RBFOX1: variants seen among roughly 807,000 people sequenced by gnomAD.
The protein encoded by RBFOX1 is RNA binding protein fox-1 homolog 1.
Under a neutral mutation model 57.7 loss-of-function variants are expected in RBFOX1, and 8 were observed. That is an observed-to-expected ratio of 0.14 (90% CI 0.08 to 0.25). The LOEUF (loss-of-function observed/expected upper bound fraction) is 0.25. Among genes scored for constraint, RBFOX1 ranks in the 10% least tolerant of loss-of-function variants. The pLI is 1.00. For missense variants in RBFOX1, 611 were observed against 548.5 expected, an observed-to-expected ratio of 1.11 and a Z score of -1.14; for synonymous variants, 326 against 222.4, an observed-to-expected ratio of 1.47 and a Z score of -4.15.
At chr16:5,857,835 A>T (rs1320264989) in intron 3 of RBFOX1, among the ~76,000 whole-genome samples, 3 of 151,932 alleles carry the variant, frequency 2.0e-5, no homozygotes, top group Non-Finnish European at 4.4e-5. Flanking sequence ...AGTCCCAGTT[A>T]ACTGGGGAGG....
chr16:7,696,205 G>T (rs1174969667), intron 14 of RBFOX1, among the ~76,000 whole-genome samples: 1 of 152,148 alleles, frequency 6.6e-6, no homozygotes. Flanking sequence ...AATGCTATTA[G>T]TTGTGTTGTT....
At chr16:6,225,107 A>G (rs929863859) in intron 1 of RBFOX1, among the ~76,000 whole-genome samples, 11 of 151,622 alleles carry the variant, frequency 7.3e-5, no homozygotes, top group African/African-American at 2.7e-4. Context: ...CCTTCTGGGA[A>G]GTGATGGACT....
At chr16:6,109,289 A>G (rs781428149) in intron 1 of RBFOX1, among the ~76,000 whole-genome samples, 1 of 152,152 alleles carries the variant, frequency 6.6e-6, no homozygotes, top group Non-Finnish European at 1.5e-5. Flanking sequence ...ATCAATATGT[A>G]ATATTTATAT....
intron 4 of RBFOX1, among the ~76,000 whole-genome samples, chr16:7,186,877 G>T (rs561127055): frequency 2.0e-5 from 3 of 150,876 alleles, no homozygotes; most frequent in Admixed American, 1.3e-4. Flanking sequence ...AGCTCTCTAG[G>T]CCAGGCACAG....
chr16:6,862,811 C>G (rs1041994725), intron 3 of RBFOX1, among the ~76,000 whole-genome samples: 3 of 152,014 alleles, frequency 2.0e-5, no homozygotes, highest in African/African-American at 4.8e-5. Flanking sequence ...ATGGTGAAAC[C>G]TCGTCTCTAC....
chr16:6,316,856 A>G (rs1257430217), intron 1 of RBFOX1, 139 bp from the exon 2 acceptor site: 1 of 596,736 alleles, frequency 1.7e-6, no homozygotes, highest in Non-Finnish European at 2.9e-6. Context: ...CATCATCATC[A>G]CCATCATTGC....
intron 4 of RBFOX1, among the ~76,000 whole-genome samples, chr16:7,242,357 A>C (rs887422860): frequency 2.0e-5 from 3 of 152,210 alleles, no homozygotes; most frequent in Non-Finnish European, 4.4e-5. Flanking sequence ...CTTCTGATGC[A>C]GACAGGTTGT....
chr16:6,191,228 C>T (rs1031127705), intron 1 of RBFOX1, among the ~76,000 whole-genome samples: 8 of 150,818 alleles, frequency 5.3e-5, no homozygotes, highest in African/African-American at 1.5e-4. Flanking sequence ...TATTTTCAAG[C>T]GGTGTTTTAC....
At chr16:7,541,708 G>C (rs1005820323) in intron 5 of RBFOX1, among the ~76,000 whole-genome samples, 3 of 152,198 alleles carry the variant, frequency 2.0e-5, no homozygotes, top group Non-Finnish European at 2.9e-5. Flanking sequence ...GTGAATGCAG[G>C]CTTTCTCCAT....
intron 4 of RBFOX1, among the ~76,000 whole-genome samples, chr16:7,176,903 T>C (rs2081779515): frequency 2.0e-5 from 3 of 152,192 alleles, no homozygotes; most frequent in Admixed American, 2.0e-4. Flanking sequence ...TTTTTAGATA[T>C]TTCCCATTTA....
At chr16:6,551,674 C>G (rs532642261) in intron 2 of RBFOX1, among the ~76,000 whole-genome samples, 1 of 152,244 alleles carries the variant, frequency 6.6e-6, no homozygotes, top group Non-Finnish European at 1.5e-5. Context: ...GCTAATATAG[C>G]TACAGATAAG....
At chr16:6,640,026 A>G (rs561060900) in intron 2 of RBFOX1, among the ~76,000 whole-genome samples, 2 of 152,280 alleles carry the variant, frequency 1.3e-5, no homozygotes, top group Non-Finnish European at 2.9e-5. Context: ...TTTTAACCCC[A>G]TTTTCTGAAA....
intron 4 of RBFOX1, among the ~76,000 whole-genome samples, chr16:5,955,875 G>T (rs973321216): frequency 2.0e-5 from 3 of 152,220 alleles, no homozygotes; most frequent in African/African-American, 7.2e-5. Flanking sequence ...GATTCAGGAA[G>T]ATAACGGGTC....
rs1027934469 is a variant in RBFOX1, at chr16:7,710,856, A to G, written c.*111A>G. 2 of 1,046,238 alleles carry G rather than the reference A, an allele frequency of 1.9e-6. No homozygotes were observed. Among genetic ancestry groups the G allele is most frequent in the African/African-American group, 3.5e-5 (2 of 57,500 alleles). The allele number at this position is 1,046,238 out of a possible 1,614,324, so 64.8% of individuals were successfully genotyped here. ...ATTTTAGCAACTCTAAAAAAAAAAA[A>G]AATACAAATAAAAAGGAAAAAAAAT... On this transcript the variant is annotated 3_prime_UTR_variant, in exon 16 of 16. Coordinates refer to ENST00000550418, the MANE Select transcript of RBFOX1 (RefSeq NM_018723.4).
chr16:6,373,306 G>T (rs1463632944), intron 2 of RBFOX1, among the ~76,000 whole-genome samples: 1 of 151,372 alleles, frequency 6.6e-6, no homozygotes, highest in Admixed American at 6.6e-5. Context: ...GGTTGGTAAG[G>T]ATCTTTGTGT....
intron 4 of RBFOX1, among the ~76,000 whole-genome samples, chr16:7,285,735 A>G (rs1409620164): frequency 1.3e-5 from 2 of 152,200 alleles, no homozygotes; most frequent in African/African-American, 4.8e-5. Flanking sequence ...ATTGCTGTGT[A>G]GTATTCCATG....
At chr16:6,497,894 G>T (rs187192894) in intron 2 of RBFOX1, among the ~76,000 whole-genome samples, 1 of 151,990 alleles carries the variant, frequency 6.6e-6, no homozygotes, top group Non-Finnish European at 1.5e-5. Flanking sequence ...GTGCCTAAAA[G>T]CATTCAGAGG....
intron 2 of RBFOX1, among the ~76,000 whole-genome samples, chr16:6,622,078 A>G (rs2098241342): frequency 6.6e-6 from 1 of 152,160 alleles, no homozygotes; most frequent in Admixed American, 6.5e-5. Context: ...TGGAAAGGGA[A>G]TATGTATGGA....
chr16:5,580,016 C>T (rs1016333096), intron 2 of RBFOX1, among the ~76,000 whole-genome samples: 3 of 152,144 alleles, frequency 2.0e-5, no homozygotes, highest in Admixed American at 1.3e-4. Flanking sequence ...GGTGATGCAC[C>T]CACCTTGGCC....
Sources: gnomAD v4.1 joint callset for allele counts (sites outside exome capture counted in the v4.1 genomes callset) on GRCh38, gnomAD v4.1.1 for gene constraint, MANE v1.5 for transcripts, NCBI Gene and HGNC (gene_info 2026-07-23, HGNC 2026-07-21) for gene names.